The following NAV2 variants were observed in gnomAD, a reference collection of about 807,000 sequenced individuals.
The protein encoded by NAV2 is helicase, APC down-regulated 1.
Under a neutral mutation model 223.2 loss-of-function variants are expected in NAV2, and 54 were observed. That is an observed-to-expected ratio of 0.24 (90% CI 0.19 to 0.30). The LOEUF (loss-of-function observed/expected upper bound fraction) is 0.30. Ranked by LOEUF, NAV2 falls within the 10% of genes least tolerant of loss-of-function variation. NAV2 has a pLI of 1.00. For synonymous variants in NAV2, 1,279 were observed against 1,239.3 expected, an observed-to-expected ratio of 1.03 and a Z score of -0.67; for missense variants, 2,806 against 3,147.5, an observed-to-expected ratio of 0.89 and a Z score of 2.60.
In NAV2 at chr11:19,530,139, C is replaced by T. The variant is rs148921006; in HGVS notation, c.75+179112C>T. 1.4e-4 allele frequency among the ~76,000 whole-genome samples: 21 copies of T among 152,254 alleles called. No homozygotes were observed. In the East Asian group the frequency reaches 4.1e-3, roughly 30 times the overall value. On this transcript the variant is annotated intron_variant, in intron 1 of 37. Coordinates refer to the NAV2 transcript ENST00000360655. ...TGAGGAAGATCACTTGCAGGCAGGA[C>T]CATAGCCTGGCATTAGCATTCTGGT... is the stretch of plus-strand genomic sequence containing the variant.
At chr11:19,949,224 C>G in intron 10 of NAV2, 144 bp downstream of exon 10, 3 of 933,868 alleles carry the variant, frequency 3.2e-6, no homozygotes, top group Non-Finnish European at 4.6e-6. Context: ...GGCTGTGTGA[C>G]ATGGAGGGAA....
intron 1 of NAV2, among the ~76,000 whole-genome samples, chr11:19,590,150 A>G (rs1156424760): frequency 6.6e-6 from 1 of 152,198 alleles, no homozygotes; most frequent in East Asian, 1.9e-4. Flanking sequence ...AATAGTACCT[A>G]GCTTTTAGAG....
At chr11:19,688,763 A>G (rs2152253640) in intron 1 of NAV2, among the ~76,000 whole-genome samples, 1 of 152,274 alleles carries the variant, frequency 6.6e-6, no homozygotes, top group East Asian at 1.9e-4. Context: ...TAATGTGGGG[A>G]TAGAGTTAGT....
intron 1 of NAV2, among the ~76,000 whole-genome samples, chr11:19,795,811 C>T (rs1036743582): frequency 6.6e-6 from 1 of 152,212 alleles, no homozygotes; most frequent in African/African-American, 2.4e-5. Context: ...TGCCATGGGA[C>T]AAATTGTGGC....
At chr11:19,631,687 C>T (rs1041288952) in intron 1 of NAV2, among the ~76,000 whole-genome samples, 2 of 152,150 alleles carry the variant, frequency 1.3e-5, no homozygotes, top group Admixed American at 1.3e-4. Flanking sequence ...GAAAGCAAAC[C>T]CCCGGCACTG....
Position 19,484,465 on chromosome 11 carries a change from C to G in NAV2, c.75+133438C>G, listed in dbSNP as rs73418240. Among the ~76,000 whole-genome samples the G allele has an allele frequency of 5.9e-3, 903 of 152,360 alleles. 12 individuals are homozygous for G. Among genetic ancestry groups the G allele is most frequent in the African/African-American group, 0.02 (848 of 41,572 alleles). On this transcript the variant is annotated intron_variant, in intron 1 of 37. Transcript: ENST00000360655. The stretch of plus-strand genomic sequence containing the variant: ...CCAAAAGAGCAGCTTAGCCAACTGA[C>G]ACTTCCTGTGCCTAGAGGCAGGGAC...
At chr11:19,555,508 C>A (rs949331071) in intron 1 of NAV2, among the ~76,000 whole-genome samples, 2 of 152,144 alleles carry the variant, frequency 1.3e-5, no homozygotes, top group African/African-American at 4.8e-5. Flanking sequence ...TCATAAGAAA[C>A]AACAAGCAGC....
At chr11:19,612,692 G>A (rs1265037899) in intron 1 of NAV2, among the ~76,000 whole-genome samples, 1 of 152,084 alleles carries the variant, frequency 6.6e-6, no homozygotes, top group Non-Finnish European at 1.5e-5. Context: ...GGACCTTATT[G>A]TCCATATGGC....
intron 11 of NAV2, among the ~76,000 whole-genome samples, chr11:20,035,481 G>A (rs546903394): frequency 2.0e-4 from 31 of 152,174 alleles, no homozygotes; most frequent in South Asian, 6.2e-4. Context: ...AACTGTTGCC[G>A]CTCTCCCTCG....
intron 22 of NAV2, among the ~76,000 whole-genome samples, chr11:20,075,212 TTTTTG>T (rs150880728): frequency 0.18 from 23,665 of 130,388 alleles, 2,168 homozygotes; most frequent in South Asian, 0.29. Flanking sequence ...GTTTTTTGTT[TTTTTG>T]TTTTGTTTTT....
At chr11:19,955,317 G>A (rs1591408429) in intron 10 of NAV2, among the ~76,000 whole-genome samples, 1 of 151,972 alleles carries the variant, frequency 6.6e-6, no homozygotes, top group African/African-American at 2.4e-5. Context: ...TTGAGTCCAG[G>A]AGGTTGAGGC....
intron 11 of NAV2, among the ~76,000 whole-genome samples, chr11:20,015,745 A>G (rs1418149228): frequency 6.6e-6 from 1 of 152,230 alleles, no homozygotes; most frequent in Non-Finnish European, 1.5e-5. Context: ...AAAGAGAACA[A>G]TCACTGCAAA....
chr11:19,779,591 A>G (rs1039591957), intron 1 of NAV2, among the ~76,000 whole-genome samples: 1 of 152,202 alleles, frequency 6.6e-6, no homozygotes, highest in Non-Finnish European at 1.5e-5. Flanking sequence ...CTTGCCACTT[A>G]CTAATCCCTG....
chr11:20,020,715 T>C (rs1422949824), intron 11 of NAV2, among the ~76,000 whole-genome samples: 1 of 152,216 alleles, frequency 6.6e-6, no homozygotes, highest in Non-Finnish European at 1.5e-5. Flanking sequence ...TACATTTACA[T>C]GAACTTTTAT....
At chr11:19,779,263 G>T (rs1337656045) in intron 1 of NAV2, among the ~76,000 whole-genome samples, 1 of 152,156 alleles carries the variant, frequency 6.6e-6, no homozygotes, top group African/African-American at 2.4e-5. Flanking sequence ...TCAAGCAACT[G>T]GGAAGCCCTG....
chr11:19,858,915 G>A (rs1364667898), intron 3 of NAV2, among the ~76,000 whole-genome samples: 2 of 152,086 alleles, frequency 1.3e-5, no homozygotes, highest in East Asian at 1.9e-4. Context: ...ATGAAATTAC[G>A]TGAAGAATGA....
chr11:20,092,480 G>A (rs886775351), intron 28 of NAV2, 112 bp downstream of exon 28: 3 of 1,129,582 alleles, frequency 2.7e-6, no homozygotes, highest in Admixed American at 2.2e-5. Flanking sequence ...GAGGCAACAG[G>A]CGTGTGTGCA....
intron 1 of NAV2, among the ~76,000 whole-genome samples, chr11:19,531,440 A>G (rs986458968): frequency 6.6e-6 from 1 of 152,216 alleles, no homozygotes; most frequent in Non-Finnish European, 1.5e-5. Context: ...GTAAGAAACA[A>G]GAAGTTCTTG....
chr11:19,661,304 A>G (rs2048277363), intron 1 of NAV2, among the ~76,000 whole-genome samples: 1 of 152,226 alleles, frequency 6.6e-6, no homozygotes, highest in South Asian at 2.1e-4. Flanking sequence ...GCTGAAAAAT[A>G]TCATACTGTC....
Sources: allele counts gnomAD v4.1 joint callset (sites outside exome capture counted in the v4.1 genomes callset), GRCh38; gene constraint gnomAD v4.1.1; transcripts MANE v1.5; gene names NCBI Gene and HGNC (gene_info 2026-07-23, HGNC 2026-07-21).